STYK1: variants seen among roughly 807,000 people sequenced by gnomAD.
STYK1 encodes the protein tyrosine-protein kinase STYK1.
A neutral mutation model predicts 48.1 loss-of-function variants in STYK1; 46 were observed. The observed-to-expected ratio is 0.96, with a 90% CI of 0.75 to 1.22. STYK1 has a LOEUF of 1.22. Ranked by LOEUF, STYK1 falls within the 50% of genes most tolerant of loss-of-function variation. The pLI is 0.00. For synonymous variants in STYK1, 188 were observed against 189.0 expected (o/e 0.99, Z 0.04); for missense variants, 527 against 521.1 (o/e 1.01, Z -0.11).
chr12:10,634,482 A>G, intron 3 of STYK1, 85 bp downstream of exon 3: 1 of 1,429,774 alleles, frequency 7.0e-7, no homozygotes, highest in African/African-American at 1.4e-5. Flanking sequence ...TGGAAATCAA[A>G]TCATCCTCCT....
intron 1 of STYK1, among the ~76,000 whole-genome samples, chr12:10,647,689 C>G (rs371162733): frequency 2.0e-4 from 30 of 151,952 alleles, no homozygotes; most frequent in East Asian, 5.8e-4. Flanking sequence ...TGGCTGTGTC[C>G]CCACCCAAAT....
Position 10,624,659 on chromosome 12 carries a change from T to C in STYK1, c.918A>G (p.Arg306=), listed in dbSNP as rs1204120083. ...CCAGGAATAAACCGTACACATCTGC[T>C]CTGATGCTAGCAGGTCTCAGGAGAA... is the stretch of plus-strand genomic sequence containing the variant. ...ERLLLRPASI[R]ADVWSFGILL... is the part of the protein sequence containing the mutation. The change falls in exon 8 of 11, where the codon AGA becomes AGG. Residue 306 remains arginine (R), a synonymous_variant. Coordinates refer to ENST00000075503, the MANE Select transcript of STYK1 (RefSeq NM_018423.3). 1 of 1,613,956 alleles carries C rather than the reference T, an allele frequency of 6.2e-7. No homozygotes were observed. The highest frequency in any genetic ancestry group is 1.7e-4 in the Middle Eastern group (1 of 5,972).
At chr12:10,657,234 C>T (rs1005890726) in intron 1 of STYK1, among the ~76,000 whole-genome samples, 1 of 152,184 alleles carries the variant, frequency 6.6e-6, no homozygotes, top group African/African-American at 2.4e-5. Context: ...AAATTGCATG[C>T]TTTCCTGGCC....
intron 2 of STYK1, among the ~76,000 whole-genome samples, chr12:10,635,112 A>G (rs745729246): frequency 1.3e-5 from 2 of 152,038 alleles, no homozygotes; most frequent in Admixed American, 6.6e-5. Flanking sequence ...TGTGCATCAT[A>G]TTTTTTAAGC....
At chr12:10,662,016 T>G (rs922362950) in intron 1 of STYK1, among the ~76,000 whole-genome samples, 11 of 152,276 alleles carry the variant, frequency 7.2e-5, no homozygotes, top group Non-Finnish European at 1.5e-4. Context: ...AATCATTCCC[T>G]ACTCTGCTCC....
At chr12:10,625,980 T>G (rs1455888744) in intron 7 of STYK1, among the ~76,000 whole-genome samples, 1 of 152,124 alleles carries the variant, frequency 6.6e-6, no homozygotes, top group Non-Finnish European at 1.5e-5. Flanking sequence ...ATTCAAGGCA[T>G]AAGAAGAAAG....
chr12:10,620,418 CA>C, intron 10 of STYK1, 70 bp from the exon 11 acceptor site: 2 of 1,454,070 alleles, frequency 1.4e-6, no homozygotes, highest in Non-Finnish European at 1.9e-6. Context: ...CTCCTCTCCT[CA>C]CAAACTTTAA....
intron 1 of STYK1, among the ~76,000 whole-genome samples, chr12:10,647,144 C>A (rs1217573729): frequency 6.6e-6 from 1 of 152,214 alleles, no homozygotes; most frequent in African/African-American, 2.4e-5. Context: ...GGGTTACCAT[C>A]CTCCAAAACC....
chr12:10,662,800 T>C (rs376265707), intron 1 of STYK1, among the ~76,000 whole-genome samples: 90 of 152,340 alleles, frequency 5.9e-4, no homozygotes, highest in African/African-American at 2.1e-3. Flanking sequence ...TCTTCCATTC[T>C]GTATGTTGTC....
At chr12:10,668,327 C>T (rs905320746) in intron 1 of STYK1, among the ~76,000 whole-genome samples, 2 of 151,800 alleles carry the variant, frequency 1.3e-5, no homozygotes, top group African/African-American at 4.8e-5. Flanking sequence ...TCTACACTGT[C>T]TGTCTGTGTA....
intron 1 of STYK1, among the ~76,000 whole-genome samples, chr12:10,667,039 T>A (rs1947841049): frequency 6.6e-6 from 1 of 152,216 alleles, no homozygotes; most frequent in Admixed American, 6.5e-5. Context: ...GAATTCTAAC[T>A]TAGCCTAGAA....
intron 1 of STYK1, among the ~76,000 whole-genome samples, chr12:10,638,620 A>G (rs370246054): frequency 4.6e-5 from 7 of 152,368 alleles, no homozygotes; most frequent in African/African-American, 1.4e-4. Context: ...TCTATTTGCA[A>G]CCATAACACA....
intron 1 of STYK1, among the ~76,000 whole-genome samples, chr12:10,661,842 A>G (rs546182836): frequency 9.8e-6 from 1 of 102,538 alleles, no homozygotes; most frequent in East Asian, 4.9e-4. Flanking sequence ...CTTTAATATT[A>G]CTTGTGTTTT....
At chr12:10,647,370 G>T (rs10732227) in intron 1 of STYK1, among the ~76,000 whole-genome samples, 2 of 152,372 alleles carry the variant, frequency 1.3e-5, no homozygotes, top group African/African-American at 4.8e-5. Context: ...GATTTGACTG[G>T]TCTGCTGGAT....
At chr12:10,626,332 A>G (rs1216806082) in intron 7 of STYK1, among the ~76,000 whole-genome samples, 1 of 152,142 alleles carries the variant, frequency 6.6e-6, no homozygotes, top group Non-Finnish European at 1.5e-5. Flanking sequence ...GGTAGGCTGT[A>G]TCCTGACACT....
chr12:10,624,994 T>G, intron 7 of STYK1, 135 bp from the exon 8 acceptor site: 1 of 702,472 alleles, frequency 1.4e-6, no homozygotes, highest in Non-Finnish European at 2.5e-6. Flanking sequence ...AATAATGATA[T>G]GTCACTTCCA....
chr12:10,629,110 C>T lies in STYK1; in HGVS notation c.633+383G>A, dbSNP rs149605775. On this transcript the variant is annotated intron_variant, in intron 6 of 10. Coordinates refer to ENST00000075503, the MANE Select transcript of STYK1 (RefSeq NM_018423.3). ...CAGGATCAGAAAGGTGACTTGCTCA[C>T]AGTCACATAACTAGTAGGAGGTGAA... Among the ~76,000 whole-genome samples, 1,100 of 152,304 alleles carry T rather than the reference C, an allele frequency of 7.2e-3. 11 individuals are homozygous for T. The highest frequency in any genetic ancestry group is 0.025 in the African/African-American group (1,024 of 41,572).
rs372625770 is a variant in STYK1, at chr12:10,621,857, G to A, written c.1064+19C>T. On this transcript the variant is annotated intron_variant, in intron 10 of 10. Coordinates refer to ENST00000075503, the MANE Select transcript of STYK1 (RefSeq NM_018423.3). Reference sequence around the variant, plus strand: ...AACATTTGGAATGAAAGAGGAGCAGGCCTTTAAAAACCACTTACATGGTAT... The same window carrying A: ...AACATTTGGAATGAAAGAGGAGCAGACCTTTAAAAACCACTTACATGGTAT... 22 of 1,605,814 alleles carry A rather than the reference G, an allele frequency of 1.4e-5. No individual in the cohort carries two copies. The highest frequency in any genetic ancestry group is 6.7e-5 in the Admixed American group (4 of 59,920).
intron 1 of STYK1, among the ~76,000 whole-genome samples, chr12:10,645,998 C>A (rs1190046830): frequency 1.3e-5 from 2 of 152,188 alleles, no homozygotes; most frequent in African/African-American, 4.8e-5. Flanking sequence ...TGGGAGGCCT[C>A]CCTAGTCACT....
Sources: gnomAD v4.1 joint callset for allele counts (sites outside exome capture counted in the v4.1 genomes callset) on GRCh38, gnomAD v4.1.1 for gene constraint, MANE v1.5 for transcripts, NCBI Gene and HGNC (gene_info 2026-07-23, HGNC 2026-07-21) for gene names.